Variants in MX1 observed in about 807,000 individuals in gnomAD.
MX1 encodes MX dynamin like GTPase 1.
In MX1, 66 loss-of-function variants were observed where a neutral mutation model predicts 66.4. The ratio of observed to expected loss-of-function variants is 0.99; its 90% confidence interval spans 0.82 to 1.22. The LOEUF (loss-of-function observed/expected upper bound fraction) is 1.22, where lower values mean the gene tolerates loss of function less well. Ranked by LOEUF, MX1 falls within the 50% of genes most tolerant of loss-of-function variation. MX1 has a pLI of 0.00. For synonymous variants in MX1, 311 were observed against 318.1 expected (o/e 0.98, Z 0.24); for missense variants, 787 against 834.3 (o/e 0.94, Z 0.70).
chr21:41,448,812 A>C (rs1047398123), intron 13 of MX1, among the ~76,000 whole-genome samples: 7 of 151,940 alleles, frequency 4.6e-5, no homozygotes, highest in African/African-American at 1.7e-4. Context: ...TCACAAACAA[A>C]CAAATGAAAA....
chr21:41,435,764 G>T, intron 5 of MX1, 73 bp from the exon 6 acceptor site: 1 of 1,504,966 alleles, frequency 6.6e-7, no homozygotes, highest in South Asian at 1.2e-5. Context: ...ATTTGGGTAG[G>T]GACACAGAAC....
intron 4 of MX1, among the ~76,000 whole-genome samples, chr21:41,431,483 T>TTTG: frequency 6.6e-6 from 1 of 150,530 alleles, no homozygotes; most frequent in East Asian, 2.0e-4. Flanking sequence ...CATATTCTAT[T>TTTG]TTTTTTTTTT....
At chr21:41,449,396 C>G in intron 14 of MX1, 101 bp downstream of exon 14, 1 of 1,221,266 alleles carries the variant, frequency 8.2e-7, no homozygotes, top group Non-Finnish European at 1.1e-6. Context: ...TGGGGTGCAT[C>G]CCACACCAAC....
Position 41,443,769 on chromosome 21 carries a change from G to T in MX1, c.930-19G>T. ...TCTGGCTACATCAAGGTGGAAATCG[G>T]TCCTGTGTTCTCTTCTAGGGATCTG... On this transcript the variant is annotated intron_variant, in intron 10 of 16. Coordinates refer to ENST00000398598, the MANE Select transcript of MX1 (RefSeq NM_002462.5). 2 of 1,613,698 alleles carry T rather than the reference G, an allele frequency of 1.2e-6. No homozygotes were observed. Among genetic ancestry groups the T allele is most frequent in the Non-Finnish European group, 1.7e-6 (2 of 1,179,600 alleles).
Position 41,441,927 on chromosome 21 carries a change from G to C in MX1, c.929+13G>C. ...ACCCATATTTCAGGTGCGCTTGCCT[G>C]GGTTTCATCATGGATCAGTCCAAGC... On this transcript the variant is annotated intron_variant, in intron 10 of 16. Transcript: ENST00000398598. This position sits in a 1 kb window ranked among gnomAD's most constrained non-coding sequence, Gnocchi z 4.0. The C allele has an allele frequency of 1.9e-6, 3 of 1,613,978 alleles. No homozygotes were observed. The highest frequency in any genetic ancestry group is 2.5e-6 in the Non-Finnish European group (3 of 1,179,976).
Position 41,441,054 on chromosome 21 carries a change from A to AGGGAGAATGGGGGAGCCCGCCTGTGCTCG in MX1, c.730+30_730+31insGGAGAATGGGGGAGCCCGCCTGTGCTCGG. 1 of 1,373,250 alleles carries AGGGAGAATGGGGGAGCCCGCCTGTGCTCG rather than the reference A, an allele frequency of 7.3e-7. No homozygotes were observed. Among genetic ancestry groups the AGGGAGAATGGGGGAGCCCGCCTGTGCTCG allele is most frequent in the African/African-American group, 1.7e-5 (1 of 57,256 alleles). 85.1% of individuals were successfully genotyped at this position (1,373,250 alleles called of 1,614,324 possible). On this transcript the variant is annotated intron_variant, in intron 9 of 16. Transcript: ENST00000398598. This position sits in a 1 kb window ranked among gnomAD's most constrained non-coding sequence, Gnocchi z 4.0. Reference sequence around the variant, plus strand: ...AGAGTGGGGGAGCCCCACTGTGCTCAGTGAGAATGGGGGAGCCCGCCTGTG... The same window carrying AGGGAGAATGGGGGAGCCCGCCTGTGCTCG: ...AGAGTGGGGGAGCCCCACTGTGCTCAGGGAGAATGGGGGAGCCCGCCTGTGCTCGGTGAGAATGGGGGAGCCCGCCTGTG...
chr21:41,421,066 C>T (rs1601448557), intron 1 of MX1, among the ~76,000 whole-genome samples: 1 of 152,156 alleles, frequency 6.6e-6, no homozygotes, highest in Non-Finnish European at 1.5e-5. Context: ...GGTGTTTCTC[C>T]GAGAGGGGGA....
Position 41,445,516 on chromosome 21 carries a change from G to T in MX1, c.1077G>T (p.Lys359Asn). 6.2e-7 allele frequency: 1 copy of T among 1,614,172 alleles called. No homozygotes were observed. Among genetic ancestry groups the T allele is most frequent in the Non-Finnish European group, 8.5e-7 (1 of 1,180,040 alleles). ...AGAGAATAACAGAGGAGCTACAAAA[G>T]TATGGTGTCGACATACCGGAAGACG... Reference protein sequence around the residue: ...THQRITEELQKYGVDIPEDEN... With the variant: ...THQRITEELQNYGVDIPEDEN... Residue 359 changes from lysine (K) to asparagine (N), a missense_variant, in exon 12 of 17, where the codon AAG becomes AAT. Transcript: ENST00000398598.
Position 41,448,926 on chromosome 21 carries a change from GGTTTTGTGTGTGT to G in MX1, c.1274-208_1274-196del, listed in dbSNP as rs1327986646. On this transcript the variant is annotated intron_variant, in intron 13 of 16. Coordinates refer to ENST00000398598, the MANE Select transcript of MX1 (RefSeq NM_002462.5). ...ACTAAGGAAAATTATCTTCAGATCT[GGTTTTGTGTGTGT>G]GTGTGTGTGTGTGTGTGTGTGTGTG... Among the ~76,000 whole-genome samples the G allele has an allele frequency of 9.8e-3, 1,403 of 142,922 alleles. 38 individuals are homozygous for G. Among genetic ancestry groups the G allele is most frequent in the African/African-American group, 0.034 (1,304 of 38,758 alleles). The allele number at this position is 142,922 out of a possible 152,430, so 93.8% of individuals were successfully genotyped here.
Position 41,441,879 on chromosome 21 carries a change from A to G in MX1, c.894A>G (p.Arg298=), listed in dbSNP as rs767249125. 1.1e-5 allele frequency: 18 copies of G among 1,614,066 alleles called. No individual in the cohort carries two copies. The highest frequency in any genetic ancestry group is 8.5e-7 in the Non-Finnish European group (1 of 1,180,054). The stretch of plus-strand genomic sequence containing the variant: ...TGAGCCTGTCCGAAGCCCTGCAGAG[A>G]GAGAAGATCTTCTTTGAGAACCACC... ...DQLSLSEALQ[R]EKIFFENHPY... is the part of the protein sequence containing the mutation. Residue 298 remains arginine (R), a synonymous_variant, in exon 10 of 17, where the codon AGA becomes AGG. Transcript: ENST00000398598. This position sits in a 1 kb window ranked among gnomAD's most constrained non-coding sequence, Gnocchi z 4.0.
At chr21:41,452,597 G>GTATT in intron 15 of MX1, 24 bp from the exon 16 acceptor site, 1 of 1,583,472 alleles carries the variant, frequency 6.3e-7, no homozygotes, top group Non-Finnish European at 8.6e-7. Context: ...GAGGGAAACT[G>GTATT]TATTTATTTA....
intron 16 of MX1, among the ~76,000 whole-genome samples, chr21:41,453,151 C>T (rs943472127): frequency 3.3e-5 from 5 of 152,236 alleles, no homozygotes; most frequent in East Asian, 1.9e-4. Flanking sequence ...TACCTGGCGG[C>T]GGTGGCAAGA....
Position 41,443,762 on chromosome 21 carries a change from G to A in MX1, c.930-26G>A, listed in dbSNP as rs564510733. The A allele has an allele frequency of 3.9e-4, 630 of 1,612,304 alleles. 11 individuals carry two copies. In the South Asian group the frequency reaches 6.7e-3, roughly 17 times the overall value. On this transcript the variant is annotated intron_variant, in intron 10 of 16. Coordinates refer to ENST00000398598, the MANE Select transcript of MX1 (RefSeq NM_002462.5). Reference sequence around the variant, plus strand: ...TGCGTGTTCTGGCTACATCAAGGTGGAAATCGGTCCTGTGTTCTCTTCTAG... The same window carrying A: ...TGCGTGTTCTGGCTACATCAAGGTGAAAATCGGTCCTGTGTTCTCTTCTAG...
Position 41,442,158 on chromosome 21 carries a change from G to A in MX1, c.929+244G>A, listed in dbSNP as rs537466939. Among the ~76,000 whole-genome samples, 25 of 151,988 alleles carry A rather than the reference G, an allele frequency of 1.6e-4. 1 individual carries two copies. The South Asian group carries it at 5.2e-3, about 32-fold the overall frequency. ...AAAAAACTAAAAACCAATCAAAATA[G>A]GGAGAGAACAATGTACAATAATTTA... On this transcript the variant is annotated intron_variant, in intron 10 of 16. Coordinates refer to ENST00000398598, the MANE Select transcript of MX1 (RefSeq NM_002462.5).
At position 41,441,784 on chromosome 21, in the gene MX1, C is replaced by T. The variant is rs747594462; in HGVS notation, c.799C>T (p.Leu267Phe). The change falls in exon 10 of 17, where the codon CTC becomes TTC. Residue 267 changes from leucine (L) to phenylalanine (F), a missense_variant. By Grantham distance (22) the Leu-to-Phe change is conservative. Transcript: ENST00000398598. This position sits in a 1 kb window ranked among gnomAD's most constrained non-coding sequence, Gnocchi z 4.0. ...CAAGGTTGTGGACGTGGTGCGGAAC[C>T]TCGTGTTCCACCTGAAGAAGGGTTA... ...EDKVVDVVRN[L>F]VFHLKKGYMI... The T allele has an allele frequency of 1.2e-6, 2 of 1,614,160 alleles. No homozygotes were observed. The highest frequency in any genetic ancestry group is 1.7e-6 in the Non-Finnish European group (2 of 1,180,026).
At chr21:41,456,450 C>T (rs1188821470) in intron 16 of MX1, among the ~76,000 whole-genome samples, 1 of 152,112 alleles carries the variant, frequency 6.6e-6, no homozygotes, top group Admixed American at 6.5e-5. Flanking sequence ...TTTAGGGAAA[C>T]CTCATTTTTC....
At position 41,427,273 on chromosome 21, in the gene MX1, C is replaced by G. The variant is rs1211446118; in HGVS notation, c.-241C>G. 3.9e-5 allele frequency: 6 copies of G among 152,348 alleles called. 1 individual carries two copies. The highest frequency in any genetic ancestry group is 2.1e-4 in the South Asian group (1 of 4,834). The allele number at this position is 152,348 out of a possible 1,614,324, so 9.4% of individuals were successfully genotyped here. ...GGACACGCCTCCCTCGCGCCCTTGC[C>G]GCCCACCTGCTCACCCAGCTCAGGG... On this transcript the variant is annotated 5_prime_UTR_variant, in exon 2 of 17. Coordinates refer to ENST00000398598, the MANE Select transcript of MX1 (RefSeq NM_002462.5).
chr21:41,433,961 T>G (rs1191280204), intron 5 of MX1, among the ~76,000 whole-genome samples: 3 of 152,194 alleles, frequency 2.0e-5, no homozygotes, highest in African/African-American at 7.2e-5. Flanking sequence ...CCCTGGAACT[T>G]GTGGCCAGGT....
chr21:41,442,389 CCTTA>C (rs1247603087), intron 10 of MX1, among the ~76,000 whole-genome samples: 1 of 151,966 alleles, frequency 6.6e-6, no homozygotes, highest in African/African-American at 2.4e-5. Context: ...AAAATACTGC[CCTTA>C]CTTATCTCAT....
Sources: allele counts gnomAD v4.1 joint callset (sites outside exome capture counted in the v4.1 genomes callset), GRCh38; gene constraint gnomAD v4.1.1; non-coding constraint Gnocchi (gnomAD v3.1); transcripts MANE v1.5; gene names NCBI Gene and HGNC (gene_info 2026-07-23, HGNC 2026-07-21).